NRXN3: variants seen among roughly 807,000 people sequenced by gnomAD.
The protein encoded by NRXN3 is neurexin III.
NRXN3 carries 32 observed loss-of-function variants against 137.6 expected under a neutral mutation model. That is an observed-to-expected ratio of 0.23 (90% CI 0.18 to 0.31). NRXN3 has a LOEUF of 0.31. Ranked by LOEUF, NRXN3 falls within the 10% of genes least tolerant of loss-of-function variation. NRXN3 has a pLI of 1.00. For missense variants in NRXN3, 1,574 were observed against 2,062.5 expected, an observed-to-expected ratio of 0.76 and a Z score of 4.59; for synonymous variants, 798 against 784.5, an observed-to-expected ratio of 1.02 and a Z score of -0.29.
intron 15 of NRXN3, among the ~76,000 whole-genome samples, chr14:79,254,980 C>T (rs917691056): frequency 1.3e-5 from 2 of 152,062 alleles, no homozygotes; most frequent in African/African-American, 2.4e-5. Flanking sequence ...GGCAAGTTTG[C>T]GCTAACTCCC....
intron 10 of NRXN3, among the ~76,000 whole-genome samples, chr14:78,897,785 C>CATAATTAAT (rs1471313810): frequency 2.6e-5 from 4 of 151,960 alleles, no homozygotes; most frequent in Admixed American, 2.6e-4. Flanking sequence ...AAGAGGAAAA[C>CATAATTAAT]ATAATTAATC....
intron 20 of NRXN3, among the ~76,000 whole-genome samples, chr14:79,859,984 C>A (rs2099410874): frequency 6.6e-6 from 1 of 152,142 alleles, no homozygotes; most frequent in African/African-American, 2.4e-5. Context: ...GAAGAGAGAT[C>A]AGTTATCCTG....
chr14:79,279,918 C>A, intron 15 of NRXN3: 2 of 1,063,594 alleles, frequency 1.9e-6, no homozygotes, highest in Non-Finnish European at 1.1e-6. Context: ...CTGTGTGGCT[C>A]CCGGGAGTGT....
chr14:79,388,746 G>A (rs529999222), intron 15 of NRXN3, among the ~76,000 whole-genome samples: 13 of 152,056 alleles, frequency 8.5e-5, no homozygotes, highest in East Asian at 1.9e-4. Context: ...TCTTTTTGGC[G>A]GTGAGATGGT....
At chr14:78,726,662 G>A (rs1294152336) in intron 8 of NRXN3, among the ~76,000 whole-genome samples, 2 of 151,682 alleles carry the variant, frequency 1.3e-5, no homozygotes, top group East Asian at 3.9e-4. Flanking sequence ...GGGACCACAG[G>A]CATGTACCAT....
chr14:79,143,106 T>C (rs887335284), intron 15 of NRXN3, among the ~76,000 whole-genome samples: 3 of 152,256 alleles, frequency 2.0e-5, no homozygotes, highest in African/African-American at 7.2e-5. Context: ...GTTCTGTTTT[T>C]ATCTTACTTA....
intron 15 of NRXN3, among the ~76,000 whole-genome samples, chr14:79,397,477 TG>T (rs1161959459): frequency 2.6e-5 from 4 of 152,254 alleles, no homozygotes; most frequent in Non-Finnish European, 2.9e-5. Flanking sequence ...CACATTTCTT[TG>T]TTATTGGCAC....
chr14:78,557,571 C>T (rs1272972197), intron 4 of NRXN3, among the ~76,000 whole-genome samples: 3 of 152,186 alleles, frequency 2.0e-5, no homozygotes, highest in Non-Finnish European at 4.4e-5. Context: ...CGTAAAGTTC[C>T]TGACACAAAG....
At chr14:79,292,078 G>C (rs921391193) in intron 15 of NRXN3, among the ~76,000 whole-genome samples, 2 of 152,160 alleles carry the variant, frequency 1.3e-5, no homozygotes, top group Non-Finnish European at 2.9e-5. Context: ...TTACTAAGCA[G>C]TTAGCCTATA....
intron 14 of NRXN3, among the ~76,000 whole-genome samples, chr14:78,974,715 C>A (rs1331861218): frequency 1.3e-5 from 2 of 151,990 alleles, no homozygotes; most frequent in Admixed American, 1.3e-4. Context: ...CCGTCTTACT[C>A]TTTCCCTGTT....
chr14:78,380,252 G>T (rs1203809388), intron 4 of NRXN3, among the ~76,000 whole-genome samples: 1 of 131,354 alleles, frequency 7.6e-6, no homozygotes, highest in Non-Finnish European at 1.5e-5. Flanking sequence ...AGCGAGCCGA[G>T]ATTGCGCCAC....
intron 15 of NRXN3, among the ~76,000 whole-genome samples, chr14:79,376,169 G>T (rs2094274730): frequency 7.4e-6 from 1 of 135,538 alleles, no homozygotes; most frequent in Non-Finnish European, 1.6e-5. Flanking sequence ...ATATATGCAA[G>T]ATATATATGA....
At chr14:78,723,852 T>C (rs1467104065) in intron 8 of NRXN3, among the ~76,000 whole-genome samples, 6 of 152,224 alleles carry the variant, frequency 3.9e-5, no homozygotes, top group Non-Finnish European at 7.3e-5. Flanking sequence ...GTTTAAGGCA[T>C]ATGATACAGG....
intron 16 of NRXN3, among the ~76,000 whole-genome samples, chr14:79,502,524 C>A (rs1442287479): frequency 6.6e-6 from 1 of 151,772 alleles, no homozygotes; most frequent in East Asian, 1.9e-4. Flanking sequence ...CACCCCCCAC[C>A]CCACCTCCTC....
chr14:78,441,777 C>G (rs1015850734), intron 4 of NRXN3, among the ~76,000 whole-genome samples: 68 of 152,106 alleles, frequency 4.5e-4, no homozygotes, highest in African/African-American at 1.6e-3. Context: ...GCCAGACGGC[C>G]CTACATTTAA....
At chr14:79,432,722 T>C (rs930682807) in intron 15 of NRXN3, among the ~76,000 whole-genome samples, 1 of 152,238 alleles carries the variant, frequency 6.6e-6, no homozygotes, top group African/African-American at 2.4e-5. Flanking sequence ...CTGTGAGCTT[T>C]TGTTTCAGGG....
intron 4 of NRXN3, among the ~76,000 whole-genome samples, chr14:78,303,227 T>C (rs184707947): frequency 5.5e-4 from 84 of 152,288 alleles, no homozygotes; most frequent in African/African-American, 1.9e-3. Context: ...CATTGAAAAA[T>C]ACATATATTT....
intron 4 of NRXN3, among the ~76,000 whole-genome samples, chr14:78,343,709 C>G (rs57562242): frequency 4.6e-5 from 7 of 152,160 alleles, no homozygotes; most frequent in African/African-American, 1.7e-4. Context: ...AAGCCAGAGA[C>G]AAAGGGCAGG....
intron 16 of NRXN3, among the ~76,000 whole-genome samples, chr14:79,548,904 G>A (rs1455024036): frequency 1.3e-5 from 2 of 152,110 alleles, no homozygotes; most frequent in Non-Finnish European, 2.9e-5. Flanking sequence ...GACCATTTTG[G>A]AGACTTTCAA....
Sources: allele counts gnomAD v4.1 joint callset (sites outside exome capture counted in the v4.1 genomes callset), GRCh38; gene constraint gnomAD v4.1.1; transcripts MANE v1.5; gene names NCBI Gene and HGNC (gene_info 2026-07-23, HGNC 2026-07-21).